AKAP13: variants seen among roughly 807,000 people sequenced by gnomAD.
AKAP13 encodes the protein A-kinase anchor protein 13.
In AKAP13, 80 loss-of-function variants were observed where a neutral mutation model predicts 264.5. The observed-to-expected ratio is 0.30, with a 90% confidence interval of 0.25 to 0.36. The LOEUF is 0.36. Ranked by LOEUF, AKAP13 falls within the 10% of genes least tolerant of loss-of-function variation. The pLI, the probability that AKAP13 is intolerant of heterozygous loss-of-function variation, is 1.00. For synonymous variants in AKAP13, 1,380 were observed against 1,250.2 expected (o/e 1.10, Z -2.19); for missense variants, 3,712 against 3,435.2 (o/e 1.08, Z -2.01).
chr15:85,744,536 T>G, intron 36 of AKAP13, 92 bp from the exon 37 acceptor site: 1 of 1,375,764 alleles, frequency 7.3e-7, no homozygotes, highest in Non-Finnish European at 1.0e-6. Flanking sequence ...AGTCGCCTGT[T>G]TGCATTACAG....
chr15:85,517,742 G>C (rs528387232), intron 2 of AKAP13, among the ~76,000 whole-genome samples: 2 of 152,182 alleles, frequency 1.3e-5, no homozygotes, highest in East Asian at 3.9e-4. Context: ...ATATGGGGGT[G>C]GGGGGAGCTA....
intron 2 of AKAP13, among the ~76,000 whole-genome samples, chr15:85,506,810 T>G (rs2076238263): frequency 6.6e-6 from 1 of 152,224 alleles, no homozygotes; most frequent in South Asian, 2.1e-4. Context: ...AATCGTTTCA[T>G]GGGCCCCCTT....
In AKAP13 at chr15:85,580,005, A is replaced by G. The variant is rs1365045535; in HGVS notation, c.1937A>G (p.Lys646Arg). The G allele has an allele frequency of 6.2e-7, 1 of 1,614,236 alleles. No homozygotes were observed. Among genetic ancestry groups the G allele is most frequent in the South Asian group, 1.1e-5 (1 of 91,088 alleles). ...ETNSSHAQSQ[K>R]GKSSPICSTT... Reference sequence around the variant, plus strand: ...AATTCATCTCATGCTCAAAGCCAAAAGGGCAAATCCTCACCCATTTGTTCT... The same window carrying G: ...AATTCATCTCATGCTCAAAGCCAAAGGGGCAAATCCTCACCCATTTGTTCT... The change falls in exon 7 of 37, where the codon AAG (lysine) becomes AGG (arginine). Residue 646 changes from lysine (K) to arginine (R), a missense_variant. Physicochemically the swap from Lys to Arg is conservative, Grantham distance 26 (BLOSUM62 2). Transcript: ENST00000394518.
intron 4 of AKAP13, among the ~76,000 whole-genome samples, chr15:85,541,911 G>C (rs1163200867): frequency 1.3e-5 from 2 of 152,216 alleles, no homozygotes; most frequent in Non-Finnish European, 2.9e-5. Flanking sequence ...ATCAGCTTCT[G>C]AGCAGGCGTG....
intron 5 of AKAP13, among the ~76,000 whole-genome samples, chr15:85,572,619 C>T (rs1180592649): frequency 6.6e-6 from 1 of 151,984 alleles, no homozygotes; most frequent in Non-Finnish European, 1.5e-5. Context: ...TCAGCCAGTA[C>T]ATGATTTTCC....
intron 16 of AKAP13, chr15:85,691,811 C>T (rs2085300152): frequency 2.1e-6 from 1 of 480,958 alleles, no homozygotes; most frequent in South Asian, 1.5e-5. Flanking sequence ...TTTCTGTTGC[C>T]ACTCTGACAA....
At chr15:85,382,749 A>G (rs1037069570) in intron 1 of AKAP13, among the ~76,000 whole-genome samples, 5 of 152,210 alleles carry the variant, frequency 3.3e-5, no homozygotes, top group African/African-American at 7.2e-5. Flanking sequence ...GAGGGCTGTG[A>G]TAGACCTTAT....
intron 8 of AKAP13, among the ~76,000 whole-genome samples, chr15:85,586,473 G>T (rs1281191362): frequency 2.0e-5 from 3 of 151,876 alleles, no homozygotes; most frequent in African/African-American, 7.3e-5. Context: ...CAAAGTGCTG[G>T]GATTACAGAT....
At chr15:85,455,078 C>A in intron 1 of AKAP13, among the ~76,000 whole-genome samples, 1 of 152,146 alleles carries the variant, frequency 6.6e-6, no homozygotes, top group Non-Finnish European at 1.5e-5. Flanking sequence ...TATTAAATTT[C>A]ATCTTGGTGT....
At chr15:85,441,930 T>C (rs576268369) in intron 1 of AKAP13, among the ~76,000 whole-genome samples, 1 of 152,328 alleles carries the variant, frequency 6.6e-6, no homozygotes, top group South Asian at 2.1e-4. Flanking sequence ...TTCACTTTGC[T>C]TTATTCTGCC....
intron 3 of AKAP13, among the ~76,000 whole-genome samples, chr15:85,529,514 C>T (rs889568125): frequency 3.3e-5 from 5 of 152,166 alleles, no homozygotes; most frequent in Admixed American, 2.6e-4. Flanking sequence ...ATGTCTCTAG[C>T]GCTAATTTAT....
intron 15 of AKAP13, among the ~76,000 whole-genome samples, chr15:85,683,031 T>G (rs545601534): frequency 1.3e-5 from 2 of 152,352 alleles, no homozygotes; most frequent in Non-Finnish European, 2.9e-5. Flanking sequence ...GCTTATGAGA[T>G]AGAATATTCT....
chr15:85,744,560 G>A (rs1489882447), intron 36 of AKAP13, 68 bp from the exon 37 acceptor site: 7 of 1,536,166 alleles, frequency 4.6e-6, no homozygotes, highest in East Asian at 2.3e-5. Flanking sequence ...ACTTTGGGAT[G>A]GGGAGGAAGT....
chr15:85,672,932 C>T (rs1238475766), intron 14 of AKAP13, among the ~76,000 whole-genome samples: 1 of 152,206 alleles, frequency 6.6e-6, no homozygotes. Flanking sequence ...TTGTCTTGCA[C>T]TTGGCTGTTT....
rs368771551 is a variant in AKAP13, at chr15:85,735,710, ATGT to A, written c.7512+85_7512+87del. 3.3e-5 allele frequency: 47 copies of A among 1,412,240 alleles called. No homozygotes were observed. The East Asian group carries it at 7.8e-4, about 24-fold the overall frequency. The allele number at this position is 1,412,240 out of a possible 1,614,324, so 87.5% of individuals were successfully genotyped here. ...TAACCTTTGAAATTATTTCACTTTGATGTTGTTTTCGATGCCTGAATTGCTGCT... is the reference window on the plus strand; with the variant it reads ...TAACCTTTGAAATTATTTCACTTTGATGTTTTCGATGCCTGAATTGCTGCT... On this transcript the variant is annotated intron_variant, in intron 32 of 36. Transcript: ENST00000394518.
At chr15:85,590,888 A>G (rs2079553268) in intron 8 of AKAP13, among the ~76,000 whole-genome samples, 1 of 152,196 alleles carries the variant, frequency 6.6e-6, no homozygotes. Context: ...AAATAAGTAC[A>G]GCTTAGTATT....
chr15:85,596,886 A>C (rs1293624749), intron 8 of AKAP13, among the ~76,000 whole-genome samples: 1 of 152,112 alleles, frequency 6.6e-6, no homozygotes, highest in Non-Finnish European at 1.5e-5. Context: ...GTACCTTGGG[A>C]GTGGCACATC....
chr15:85,703,215 G>A (rs542583235), intron 17 of AKAP13, among the ~76,000 whole-genome samples: 1 of 152,244 alleles, frequency 6.6e-6, no homozygotes, highest in Non-Finnish European at 1.5e-5. Context: ...ATAGTTCATT[G>A]CTTATATGAG....
chr15:85,671,173 G>A (rs2083905076), intron 14 of AKAP13, among the ~76,000 whole-genome samples: 2 of 151,972 alleles, frequency 1.3e-5, no homozygotes, highest in African/African-American at 4.8e-5. Context: ...CAGTTTAAGA[G>A]TTGGTGACAG....
Sources: allele counts gnomAD v4.1 joint callset (sites outside exome capture counted in the v4.1 genomes callset), GRCh38; gene constraint gnomAD v4.1.1; transcripts MANE v1.5; gene names NCBI Gene and HGNC (gene_info 2026-07-23, HGNC 2026-07-21).